Variants in HIP1 observed in about 807,000 individuals in gnomAD.
HIP1 encodes huntingtin-interacting protein 1.
HIP1 carries 65 observed loss-of-function variants against 147.6 expected under a neutral mutation model. That is an observed-to-expected ratio of 0.44 (90% CI 0.36 to 0.54). The LOEUF (loss-of-function observed/expected upper bound fraction) is 0.54. Among genes scored for constraint, HIP1 ranks in the 20% least tolerant of loss-of-function variants. The pLI, the probability that HIP1 is intolerant of heterozygous loss-of-function variation, is 0.00. For synonymous variants in HIP1, 479 were observed against 504.0 expected, an observed-to-expected ratio of 0.95 and a Z score of 0.67; for missense variants, 1,061 against 1,299.6, an observed-to-expected ratio of 0.82 and a Z score of 2.82.
intron 16 of HIP1, 37 bp downstream of exon 16, chr7:75,557,617 C>T: frequency 6.8e-7 from 1 of 1,468,818 alleles, no homozygotes; most frequent in Non-Finnish European, 9.5e-7. Context: ...TCAACAGCCC[C>T]CTCCCTCATT....
chr7:75,582,263 G>A, intron 5 of HIP1, 112 bp from the exon 6 acceptor site: 2 of 783,964 alleles, frequency 2.6e-6, no homozygotes, highest in East Asian at 2.6e-5. Context: ...GCCGAGGTGG[G>A]AGGATTGCTT....
chr7:75,639,580 TGTGTGTGTGTGTGCGCCCGC>T (rs1742071663), intron 1 of HIP1, among the ~76,000 whole-genome samples: 1 of 149,644 alleles, frequency 6.7e-6, no homozygotes, highest in Non-Finnish European at 1.5e-5. Flanking sequence ...TGTGTGTGTG[TGTGTGTGTGTGTGCGCCCGC>T]GTGTGTGTGC....
chr7:75,643,341 C>T (rs1051637529), intron 1 of HIP1, among the ~76,000 whole-genome samples: 1 of 152,092 alleles, frequency 6.6e-6, no homozygotes, highest in Non-Finnish European at 1.5e-5. Flanking sequence ...CTTAAAAAGT[C>T]AGGAAAGGGG....
At chr7:75,612,642 C>G (rs1584880019) in intron 1 of HIP1, among the ~76,000 whole-genome samples, 1 of 151,690 alleles carries the variant, frequency 6.6e-6, no homozygotes, top group East Asian at 1.9e-4. Context: ...AACCCTATCT[C>G]TACTAAAAAT....
intron 30 of HIP1, 137 bp downstream of exon 30, chr7:75,539,186 T>A: frequency 3.1e-6 from 2 of 654,868 alleles, no homozygotes; most frequent in Non-Finnish European, 5.5e-6. Context: ...AGAAAACAGG[T>A]TCCATGAGGA....
chr7:75,553,722 C>T (rs1027474489), intron 21 of HIP1, 133 bp from the exon 22 acceptor site: 10 of 803,814 alleles, frequency 1.2e-5, no homozygotes, highest in Non-Finnish European at 1.7e-5. Flanking sequence ...TCTCCTGCCT[C>T]GGCCTCCCAA....
In HIP1 at chr7:75,685,935, G is replaced by A. The variant is rs1218485080; in HGVS notation, c.120+52866C>T. ...TCTGTTTTGAGACGGAGTCTCTGTCGCCTAGGCTGGAGTACAGTGGCGTGA... is the reference window on the plus strand; with the variant it reads ...TCTGTTTTGAGACGGAGTCTCTGTCACCTAGGCTGGAGTACAGTGGCGTGA... On this transcript the variant is annotated intron_variant, in intron 1 of 30. Coordinates refer to ENST00000336926, the MANE Select transcript of HIP1 (RefSeq NM_005338.7). 5.3e-5 allele frequency among the ~76,000 whole-genome samples: 8 copies of A among 151,174 alleles called. No individual in the cohort carries two copies. In the East Asian group the frequency reaches 5.9e-4, roughly 11 times the overall value.
At chr7:75,687,379 T>C in intron 1 of HIP1, among the ~76,000 whole-genome samples, 1 of 152,202 alleles carries the variant, frequency 6.6e-6, no homozygotes, top group East Asian at 1.9e-4. Context: ...TTTATCCTGC[T>C]GTGAATATCT....
intron 1 of HIP1, among the ~76,000 whole-genome samples, chr7:75,683,053 G>A (rs1230789292): frequency 6.6e-6 from 1 of 152,050 alleles, no homozygotes; most frequent in African/African-American, 2.4e-5. Context: ...TGCGATCTCG[G>A]CTCACTGCAA....
intron 8 of HIP1, among the ~76,000 whole-genome samples, chr7:75,572,242 A>AAGTGTAAG (rs1452450231): frequency 6.6e-6 from 1 of 151,956 alleles, no homozygotes; most frequent in Non-Finnish European, 1.5e-5. Flanking sequence ...AAAAAAAAAA[A>AAGTGTAAG]AGTGTAAGAA....
At chr7:75,562,255 C>T in intron 11 of HIP1, 85 bp from the exon 12 acceptor site, 2 of 874,800 alleles carry the variant, frequency 2.3e-6, no homozygotes, top group Non-Finnish European at 3.9e-6. Context: ...TGGGAGAATG[C>T]CCCCTTTCTC....
chr7:75,628,007 T>C (rs1734258609), intron 1 of HIP1, among the ~76,000 whole-genome samples: 3 of 152,026 alleles, frequency 2.0e-5, no homozygotes, highest in Admixed American at 6.6e-5. Flanking sequence ...CCAAGGAAAA[T>C]CCCCTGCTAG....
chr7:75,647,746 C>G (rs1798851983), intron 1 of HIP1, among the ~76,000 whole-genome samples: 1 of 152,226 alleles, frequency 6.6e-6, no homozygotes, highest in African/African-American at 2.4e-5. Context: ...CTGGACAGAC[C>G]AGCCAGTTCT....
chr7:75,732,436 T>C (rs1801865328), intron 1 of HIP1, among the ~76,000 whole-genome samples: 1 of 152,164 alleles, frequency 6.6e-6, no homozygotes, highest in African/African-American at 2.4e-5. Flanking sequence ...AGTGGTGTGA[T>C]CACGGCTCAC....
intron 1 of HIP1, among the ~76,000 whole-genome samples, chr7:75,725,068 C>T: frequency 6.6e-6 from 1 of 152,144 alleles, no homozygotes; most frequent in East Asian, 1.9e-4. Context: ...CTCTGTCACT[C>T]AGGCTGGAGT....
At chr7:75,660,417 C>T (rs1003977604) in intron 1 of HIP1, among the ~76,000 whole-genome samples, 1 of 152,038 alleles carries the variant, frequency 6.6e-6, no homozygotes, top group Non-Finnish European at 1.5e-5. Flanking sequence ...GTCCCAGCTA[C>T]TTGGGAGGCT....
intron 1 of HIP1, among the ~76,000 whole-genome samples, chr7:75,688,600 C>G (rs140079617): frequency 8.2e-4 from 125 of 152,196 alleles, no homozygotes; most frequent in South Asian, 1.9e-3. Context: ...CTCCACCCGC[C>G]GTCCGGGTCT....
chr7:75,699,842 A>C (rs886689864), intron 1 of HIP1, among the ~76,000 whole-genome samples: 1 of 150,056 alleles, frequency 6.7e-6, no homozygotes, highest in Non-Finnish European at 1.5e-5. Flanking sequence ...CAGCCACGGG[A>C]GCAGCACTGA....
chr7:75,556,400 G>A (rs1297658179), intron 17 of HIP1, among the ~76,000 whole-genome samples: 2 of 152,200 alleles, frequency 1.3e-5, no homozygotes, highest in African/African-American at 2.4e-5. Context: ...CAAGAAAGGA[G>A]GCCGGGCATG....
Sources: gnomAD v4.1 joint callset for allele counts (sites outside exome capture counted in the v4.1 genomes callset) on GRCh38, gnomAD v4.1.1 for gene constraint, MANE v1.5 for transcripts, NCBI Gene and HGNC (gene_info 2026-07-23, HGNC 2026-07-21) for gene names.